Variants in GPR39 observed in about 807,000 individuals in gnomAD.
GPR39 encodes the protein G protein-coupled receptor 39, also known as zinc sensing receptor.
Under a neutral mutation model 18.4 loss-of-function variants are expected in GPR39, and 23 were observed. That is an observed-to-expected ratio of 1.25 (90% confidence interval 0.90 to 1.77). The LOEUF is 1.77. Among genes scored for constraint, GPR39 ranks in the 40% most tolerant of loss-of-function variants. The pLI, the probability that GPR39 is intolerant of heterozygous loss-of-function variation, is 0.00. For missense variants in GPR39, 647 were observed against 602.4 expected (o/e 1.07, Z -0.78); for synonymous variants, 280 against 257.9 (o/e 1.09, Z -0.82).
At chr2:132,507,544 A>G (rs1679156748) in intron 1 of GPR39, among the ~76,000 whole-genome samples, 1 of 152,168 alleles carries the variant, frequency 6.6e-6, no homozygotes, top group Non-Finnish European at 1.5e-5. Context: ...AAGTCCCAAG[A>G]CTAGGGTTTG....
chr2:132,452,590 T>C (rs1680649068), intron 1 of GPR39, among the ~76,000 whole-genome samples: 1 of 152,108 alleles, frequency 6.6e-6, no homozygotes, highest in African/African-American at 2.4e-5. Context: ...AACTCATCAT[T>C]TACATTAGGT....
At chr2:132,534,338 A>C (rs1679701363) in intron 1 of GPR39, among the ~76,000 whole-genome samples, 1 of 150,692 alleles carries the variant, frequency 6.6e-6, no homozygotes, top group Non-Finnish European at 1.5e-5. Flanking sequence ...GTCAGGAAAC[A>C]ACAGGTGCTG....
rs1573646632 is a variant in GPR39 at position 132,526,021 on chromosome 2, T to C, written c.856+108123T>C. ...AACAGACCAAATGTGAGCAAAAAGG[T>C]CTGTGATCCCAGACCCCAAAAGTTC... is the stretch of plus-strand genomic sequence containing the variant. On this transcript the variant is annotated intron_variant, in intron 1 of 1. Transcript: ENST00000329321. 2.6e-5 allele frequency among the ~76,000 whole-genome samples: 4 copies of C among 152,150 alleles called. No homozygotes were observed. In the Middle Eastern group the frequency reaches 0.01, roughly 388 times the overall value.
At chr2:132,561,803 A>G (rs1444372057) in intron 1 of GPR39, among the ~76,000 whole-genome samples, 1 of 152,296 alleles carries the variant, frequency 6.6e-6, no homozygotes, top group Admixed American at 6.5e-5. Context: ...TCAATGTTTC[A>G]GTCCAAGTCT....
Position 132,432,321 on chromosome 2 carries a change from A to G in GPR39, c.856+14423A>G, listed in dbSNP as rs191967291. The stretch of plus-strand genomic sequence containing the variant: ...AAGGCAGCTCTCTGGGACCTCATTT[A>G]TAAGGACACAAACCCCATGAGGGAT... On this transcript the variant is annotated intron_variant, in intron 1 of 1. Coordinates refer to ENST00000329321, the MANE Select transcript of GPR39 (RefSeq NM_001508.3). Among the ~76,000 whole-genome samples the G allele has an allele frequency of 2.6e-5, 4 of 152,298 alleles. No individual in the cohort carries two copies. In the East Asian group the frequency reaches 5.8e-4, roughly 22 times the overall value.
chr2:132,597,183 A>G (rs1680963568), intron 1 of GPR39, among the ~76,000 whole-genome samples: 1 of 152,312 alleles, frequency 6.6e-6, no homozygotes, highest in Non-Finnish European at 1.5e-5. Context: ...TCCAGTTTCT[A>G]GACACCCAAG....
chr2:132,593,101 C>A lies in GPR39; in HGVS notation c.857-52000C>A, dbSNP rs895188931. Among the ~76,000 whole-genome samples, 6 of 152,330 alleles carry A rather than the reference C, an allele frequency of 3.9e-5. No homozygotes were observed. In the East Asian group the frequency reaches 1.2e-3, roughly 29 times the overall value. On this transcript the variant is annotated intron_variant, in intron 1 of 1. Coordinates refer to ENST00000329321, the MANE Select transcript of GPR39 (RefSeq NM_001508.3). Reference sequence around the variant, plus strand: ...TTAGAAGAATTGCATGGGGTAAAATCTGAGAGTTTCAAGTGCAAAGCTTCC... The same window carrying A: ...TTAGAAGAATTGCATGGGGTAAAATATGAGAGTTTCAAGTGCAAAGCTTCC...
At chr2:132,577,058 T>C (rs1349831824) in intron 1 of GPR39, among the ~76,000 whole-genome samples, 1 of 151,030 alleles carries the variant, frequency 6.6e-6, no homozygotes, top group Non-Finnish European at 1.5e-5. Flanking sequence ...TTTTTTTTTT[T>C]CAAAACTGTT....
At chr2:132,643,145 G>C (rs1681892804) in intron 1 of GPR39, among the ~76,000 whole-genome samples, 1 of 152,162 alleles carries the variant, frequency 6.6e-6, no homozygotes, top group Admixed American at 6.5e-5. Flanking sequence ...TCCAGCATCT[G>C]TAACTAGGTG....
intron 1 of GPR39, among the ~76,000 whole-genome samples, chr2:132,438,619 G>GA (rs542618654): frequency 7.5e-5 from 8 of 106,622 alleles, no homozygotes; most frequent in Admixed American, 1.1e-4. Flanking sequence ...GAGTGTTGTA[G>GA]AAAAAAAAAT....
chr2:132,538,372 A>G (rs1003217194), intron 1 of GPR39, among the ~76,000 whole-genome samples: 1 of 152,144 alleles, frequency 6.6e-6, no homozygotes, highest in Admixed American at 6.5e-5. Flanking sequence ...GGGTGTCACC[A>G]GTGGAGGCTA....
At chr2:132,456,992 A>T (rs968172532) in intron 1 of GPR39, among the ~76,000 whole-genome samples, 3 of 151,958 alleles carry the variant, frequency 2.0e-5, no homozygotes, top group African/African-American at 7.3e-5. Flanking sequence ...TCTTTGTTGT[A>T]TTCTTTATAT....
At chr2:132,558,349 C>G (rs1680191448) in intron 1 of GPR39, among the ~76,000 whole-genome samples, 1 of 151,984 alleles carries the variant, frequency 6.6e-6, no homozygotes. Context: ...CTCTCCCACC[C>G]CATGTCCTGA....
intron 1 of GPR39, among the ~76,000 whole-genome samples, chr2:132,459,762 A>G (rs1169188473): frequency 6.6e-6 from 1 of 152,212 alleles, no homozygotes; most frequent in Non-Finnish European, 1.5e-5. Flanking sequence ...TTGATAATGC[A>G]TAGACTGCTT....
At chr2:132,534,945 A>C (rs1679723560) in intron 1 of GPR39, among the ~76,000 whole-genome samples, 1 of 152,072 alleles carries the variant, frequency 6.6e-6, no homozygotes, top group South Asian at 2.1e-4. Flanking sequence ...CATATGTTAC[A>C]AACCTGGACG....
intron 1 of GPR39, among the ~76,000 whole-genome samples, chr2:132,506,881 T>C (rs200185989): frequency 1.3e-5 from 2 of 148,916 alleles, no homozygotes; most frequent in African/African-American, 2.5e-5. Flanking sequence ...TTTTTTTTTT[T>C]CTAGCAGGAG....
chr2:132,581,710 C>T (rs976972479), intron 1 of GPR39, among the ~76,000 whole-genome samples: 2 of 151,854 alleles, frequency 1.3e-5, no homozygotes, highest in East Asian at 3.9e-4. Context: ...TGGAGGGAGC[C>T]GGTAGAAATA....
intron 1 of GPR39, among the ~76,000 whole-genome samples, chr2:132,566,423 A>G (rs1021556912): frequency 1.3e-5 from 2 of 151,866 alleles, no homozygotes; most frequent in African/African-American, 4.8e-5. Context: ...CCATTTGTCA[A>G]TTTTGGCTTT....
intron 1 of GPR39, chr2:132,604,748 T>C (rs1273571774): frequency 6.6e-6 from 1 of 152,228 alleles, no homozygotes; most frequent in Non-Finnish European, 1.5e-5. Flanking sequence ...GAATTAGACT[T>C]TGCAGACAAA....
Sources: allele counts gnomAD v4.1 joint callset (sites outside exome capture counted in the v4.1 genomes callset), GRCh38; gene constraint gnomAD v4.1.1; transcripts MANE v1.5; gene names NCBI Gene and HGNC (gene_info 2026-07-23, HGNC 2026-07-21).